Variants in TRMT5 observed in about 807,000 individuals in gnomAD.
TRMT5 encodes tRNA methyltransferase 5.
In TRMT5, 31 loss-of-function variants were observed where a neutral mutation model predicts 42.2. That is an observed-to-expected ratio of 0.73 (90% CI 0.55 to 0.99). The LOEUF is 0.99. Ranked by LOEUF, TRMT5 falls within the 50% of genes least tolerant of loss-of-function variation. The pLI, the probability that TRMT5 is intolerant of heterozygous loss-of-function variation, is 0.00. For synonymous variants in TRMT5, 198 were observed against 209.6 expected (o/e 0.94, Z 0.48); for missense variants, 568 against 595.0 (o/e 0.95, Z 0.47).
chr14:60,976,213 G>T, intron 3 of TRMT5, 87 bp from the exon 4 acceptor site: 1 of 1,424,462 alleles, frequency 7.0e-7, no homozygotes, highest in Non-Finnish European at 9.5e-7. Flanking sequence ...ATACACACAG[G>T]CAAACACATA....
intron 1 of TRMT5, 188 bp downstream of exon 1, chr14:60,980,775 C>G (rs903300391): frequency 7.2e-6 from 6 of 831,172 alleles, no homozygotes; most frequent in Admixed American, 2.7e-5. Flanking sequence ...GTTTTCCCAC[C>G]AGTAAAATGT....
upstream of TRMT5, chr14:60,981,349 G>A (rs555851663): frequency 8.5e-5 from 137 of 1,609,488 alleles, 6 homozygotes; most frequent in South Asian, 1.5e-3. Context: ...CTGAAGAAGC[G>A]GAGGCCGAAG....
chr14:60,978,450 T>C (rs529972085), intron 2 of TRMT5, among the ~76,000 whole-genome samples: 3 of 152,352 alleles, frequency 2.0e-5, no homozygotes, highest in Admixed American at 2.0e-4. Flanking sequence ...TTCTGCTTCA[T>C]GTATCTGAAC....
intron 2 of TRMT5, 63 bp from the exon 3 acceptor site, chr14:60,977,701 T>C (rs925135889): frequency 7.5e-6 from 11 of 1,464,196 alleles, no homozygotes; most frequent in African/African-American, 1.4e-5. Flanking sequence ...GCTAACATTG[T>C]TAATATGAAA....
Position 60,981,047 on chromosome 14 carries a change from T to G in TRMT5, c.-74A>C. On this transcript the variant is annotated 5_prime_UTR_variant, in exon 1 of 5. Coordinates refer to ENST00000261249, the MANE Select transcript of TRMT5 (RefSeq NM_020810.3). ...ACCTCCCGCTCCGGTACCGATCGGA[T>G]GTGGGTCGCGGGTGGATGGGCGGGT... 2.5e-6 allele frequency: 4 copies of G among 1,609,174 alleles called. No individual in the cohort carries two copies. The highest frequency in any genetic ancestry group is 1.7e-6 in the Non-Finnish European group (2 of 1,179,960).
rs72723908 is a variant in TRMT5, at chr14:60,979,047, G to A, written c.667+184C>T. Among the ~76,000 whole-genome samples the A allele has an allele frequency of 1.3e-3, 202 of 152,234 alleles. 1 individual carries two copies. The highest frequency in any genetic ancestry group is 2.5e-3 in the Non-Finnish European group (169 of 68,014). The stretch of plus-strand genomic sequence containing the variant: ...TGGACCAGTATTTGGAACTTGCTAT[G>A]ACTAAAGAAGATATTTCAAAATGGC... On this transcript the variant is annotated intron_variant, in intron 2 of 4. Transcript: ENST00000261249.
rs1270462148 is a variant in TRMT5, at chr14:60,971,475, T to A, written c.*3634A>T. 6.6e-6 allele frequency: 1 copy of A among 152,574 alleles called. No homozygotes were observed. 9.5% of individuals were successfully genotyped at this position (152,574 alleles called of 1,614,324 possible). ...TCTTTCAAACTGTATCCAGCTTTAT[T>A]AAAGATACTTTCCATAAACAATCAT... On this transcript the variant is annotated 3_prime_UTR_variant, in exon 5 of 5. Coordinates refer to ENST00000261249, the MANE Select transcript of TRMT5 (RefSeq NM_020810.3).
rs35784698 is a variant in TRMT5 at position 60,974,130 on chromosome 14, G to A, written c.*979C>T. 6.6e-6 allele frequency: 1 copy of A among 151,998 alleles called. No homozygotes were observed. Among genetic ancestry groups the A allele is most frequent in the South Asian group, 2.1e-4 (1 of 4,814 alleles). 9.4% of individuals were successfully genotyped at this position (151,998 alleles called of 1,614,324 possible). On this transcript the variant is annotated 3_prime_UTR_variant, in exon 5 of 5. Coordinates refer to ENST00000261249, the MANE Select transcript of TRMT5 (RefSeq NM_020810.3). ...AATAACAACAAAGTCCACTTTTCTT[G>A]TTTTGCTATAATAGATATGCTCTGG...
rs1372859187 is a variant in TRMT5, at chr14:60,975,987, G to A, written c.932C>T (p.Pro311Leu). 6.2e-7 allele frequency: 1 copy of A among 1,614,012 alleles called. No homozygotes were observed. Among genetic ancestry groups the A allele is most frequent in the East Asian group, 2.2e-5 (1 of 44,896 alleles). The change falls in exon 4 of 5, where the codon CCC becomes CTC. Residue 311 changes from proline (P) to leucine (L), a missense_variant. Transcript: ENST00000261249. ...VLFDVFAGVG[P>L]FAIPVAKKNC... is the part of the protein sequence containing the mutation. Reference sequence around the variant, plus strand: ...TTTCTTTGCTACTGGAATGGCAAAGGGCCCAACCCCAGCAAAAACATCAAA... The same window carrying A: ...TTTCTTTGCTACTGGAATGGCAAAGAGCCCAACCCCAGCAAAAACATCAAA...
At chr14:60,977,935 A>C (rs930258868) in intron 2 of TRMT5, among the ~76,000 whole-genome samples, 1 of 152,222 alleles carries the variant, frequency 6.6e-6, no homozygotes, top group Non-Finnish European at 1.5e-5. Context: ...TGAACCAATA[A>C]ACAAGGAACC....
In TRMT5 at chr14:60,974,973, GTAA is replaced by G; in HGVS notation, c.*133_*135del. Reference sequence around the variant, plus strand: ...CCTTAGTTCAGTTAAAGTTTAATTGGTAATCCTCAATTTGTAAAATAAGGCAAA... The same window carrying G: ...CCTTAGTTCAGTTAAAGTTTAATTGGTCCTCAATTTGTAAAATAAGGCAAA... On this transcript the variant is annotated 3_prime_UTR_variant, in exon 5 of 5. Transcript: ENST00000261249. 2.0e-6 allele frequency: 1 copy of G among 509,608 alleles called. No individual in the cohort carries two copies. The highest frequency in any genetic ancestry group is 4.8e-5 in the South Asian group (1 of 20,996). The allele number at this position is 509,608 out of a possible 1,614,324, so 31.6% of individuals were successfully genotyped here.
intron 4 of TRMT5, 77 bp from the exon 5 acceptor site, chr14:60,975,271 G>C (rs2036828645): frequency 4.4e-6 from 6 of 1,372,644 alleles, no homozygotes; most frequent in Admixed American, 2.3e-5. Flanking sequence ...AAACAATATA[G>C]GCATTTTTAA....
At position 60,972,140 on chromosome 14, in the gene TRMT5, A is replaced by G. The variant is rs2036783856; in HGVS notation, c.*2969T>C. The G allele has an allele frequency of 6.7e-5, 26 of 389,446 alleles. No individual in the cohort carries two copies. Among genetic ancestry groups the G allele is most frequent in the South Asian group, 5.2e-4 (26 of 49,988 alleles). The allele number at this position is 389,446 out of a possible 1,614,324, so 24.1% of individuals were successfully genotyped here. On this transcript the variant is annotated 3_prime_UTR_variant, in exon 5 of 5. Transcript: ENST00000261249. ...GAAGTGTTCTGTGTGCTAACAACAT[A>G]GCTTAAAAAAAGTAAAACAAAATTC...
chr14:60,972,248 C>G lies in TRMT5; in HGVS notation c.*2861G>C. 1 of 528,330 alleles carries G rather than the reference C, an allele frequency of 1.9e-6. No homozygotes were observed. Among genetic ancestry groups the G allele is most frequent in the South Asian group, 1.4e-5 (1 of 72,332 alleles). 32.7% of individuals were successfully genotyped at this position (528,330 alleles called of 1,614,324 possible). A position where few individuals can be genotyped will look rare whatever the true frequency, so the allele number is the denominator to read the frequency against. On this transcript the variant is annotated 3_prime_UTR_variant, in exon 5 of 5. Transcript: ENST00000261249. ...AGTTATAAAAAATGCACACACTTCA[C>G]TTGGGATCTCCAGCACCTTCCCGCT...
chr14:60,979,188 C>T, intron 2 of TRMT5, 43 bp downstream of exon 2: 1 of 1,493,988 alleles, frequency 6.7e-7, no homozygotes, highest in South Asian at 1.4e-5. Flanking sequence ...TAACAATTTG[C>T]AAATTCCCTT....
chr14:60,980,497 CTGT>C (rs2036940296), intron 1 of TRMT5, among the ~76,000 whole-genome samples: 1 of 152,198 alleles, frequency 6.6e-6, no homozygotes, highest in South Asian at 2.1e-4. Context: ...ATATATTGCT[CTGT>C]TGTTTGTTTT....
In TRMT5 at chr14:60,971,476, A is replaced by T. The variant is rs1377972671; in HGVS notation, c.*3633T>A. The T allele has an allele frequency of 6.6e-6, 1 of 152,568 alleles. No individual in the cohort carries two copies. Among genetic ancestry groups the T allele is most frequent in the African/African-American group, 2.4e-5 (1 of 41,442 alleles). The allele number at this position is 152,568 out of a possible 1,614,324, so 9.5% of individuals were successfully genotyped here. A position where few individuals can be genotyped will look rare whatever the true frequency, so the allele number is the denominator to read the frequency against. On this transcript the variant is annotated 3_prime_UTR_variant, in exon 5 of 5. Transcript: ENST00000261249. ...CTTTCAAACTGTATCCAGCTTTATT[A>T]AAGATACTTTCCATAAACAATCATG...
In TRMT5 at chr14:60,979,915, A is replaced by G. The variant is rs376249939; in HGVS notation, c.12-29T>C. 4.5e-5 allele frequency: 67 copies of G among 1,500,974 alleles called. No homozygotes were observed. The African/African-American group carries it at 9.1e-4, about 20-fold the overall frequency. 93.0% of individuals were successfully genotyped at this position (1,500,974 alleles called of 1,614,324 possible). A position where few individuals can be genotyped will look rare whatever the true frequency, so the allele number is the denominator to read the frequency against. ...AAAAAAAAAAAAAAAAAATTCACAC[A>G]CGACAGCTTTTGAGAATAAAAATCT... On this transcript the variant is annotated intron_variant, in intron 1 of 4. Coordinates refer to ENST00000261249, the MANE Select transcript of TRMT5 (RefSeq NM_020810.3).
At chr14:60,977,067 G>A (rs1410806409) in intron 3 of TRMT5, among the ~76,000 whole-genome samples, 2 of 151,766 alleles carry the variant, frequency 1.3e-5, no homozygotes, top group Non-Finnish European at 2.9e-5. Flanking sequence ...CATATCAGAT[G>A]CTTCCGGCCA....
Sources: gnomAD v4.1 joint callset for allele counts (sites outside exome capture counted in the v4.1 genomes callset) on GRCh38, gnomAD v4.1.1 for gene constraint, MANE v1.5 for transcripts, NCBI Gene and HGNC (gene_info 2026-07-23, HGNC 2026-07-21) for gene names.